ANTXR2: variants seen among roughly 807,000 people sequenced by gnomAD.
ANTXR2 encodes anthrax toxin receptor 2.
ANTXR2 carries 44 observed loss-of-function variants against 73.7 expected under a neutral mutation model. The ratio of observed to expected loss-of-function variants is 0.60; its 90% CI spans 0.47 to 0.77. ANTXR2 has a LOEUF of 0.77. Among genes scored for constraint, ANTXR2 ranks in the 30% least tolerant of loss-of-function variants. ANTXR2 has a pLI of 0.00. For missense variants in ANTXR2, 604 were observed against 592.5 expected, an observed-to-expected ratio of 1.02 and a Z score of -0.20; for synonymous variants, 217 against 205.9, an observed-to-expected ratio of 1.05 and a Z score of -0.46.
intron 3 of ANTXR2, among the ~76,000 whole-genome samples, chr4:80,066,486 A>T (rs995425396): frequency 1.6e-4 from 24 of 152,386 alleles, no homozygotes; most frequent in African/African-American, 5.8e-4. Flanking sequence ...GTATAAAACA[A>T]GTTGCAAGTA....
At chr4:79,926,885 ATATG>A (rs1351488139) in intron 16 of ANTXR2, among the ~76,000 whole-genome samples, 1 of 151,924 alleles carries the variant, frequency 6.6e-6, no homozygotes, top group African/African-American at 2.4e-5. Context: ...GTGTGTATAT[ATATG>A]TGTGTATATA....
chr4:79,960,909 T>C (rs1203665249), intron 16 of ANTXR2, among the ~76,000 whole-genome samples: 1 of 152,014 alleles, frequency 6.6e-6, no homozygotes. Flanking sequence ...GAGAGATATT[T>C]AGCAAAGTTG....
chr4:79,912,566 G>C (rs1285614755), intron 16 of ANTXR2, among the ~76,000 whole-genome samples: 1 of 152,004 alleles, frequency 6.6e-6, no homozygotes, highest in Non-Finnish European at 1.5e-5. Flanking sequence ...AAGAACTCTT[G>C]TGCATTGCTA....
At chr4:80,042,518 G>A (rs1203008106) in intron 7 of ANTXR2, among the ~76,000 whole-genome samples, 2 of 151,802 alleles carry the variant, frequency 1.3e-5, no homozygotes, top group Non-Finnish European at 2.9e-5. Flanking sequence ...GTCTCACCTA[G>A]GTTGCTAGAC....
intron 16 of ANTXR2, among the ~76,000 whole-genome samples, chr4:79,954,089 A>G (rs1728804614): frequency 6.6e-6 from 1 of 152,192 alleles, no homozygotes; most frequent in South Asian, 2.1e-4. Context: ...AAATTTTTCA[A>G]TAACCTATTT....
chr4:79,924,664 C>CAG (rs1372283874), intron 16 of ANTXR2, among the ~76,000 whole-genome samples: 1 of 152,170 alleles, frequency 6.6e-6, no homozygotes, highest in South Asian at 2.1e-4. Flanking sequence ...GACTAGAACA[C>CAG]AGAGATTTTT....
chr4:79,985,795 C>T (rs970454607), intron 12 of ANTXR2, among the ~76,000 whole-genome samples: 1 of 151,496 alleles, frequency 6.6e-6, no homozygotes, highest in Admixed American at 6.6e-5. Flanking sequence ...GCCAAGACCC[C>T]TTTCCTGTGA....
chr4:79,917,474 CA>C (rs1329759095), intron 16 of ANTXR2, among the ~76,000 whole-genome samples: 3 of 152,112 alleles, frequency 2.0e-5, no homozygotes, highest in Admixed American at 2.0e-4. Flanking sequence ...GGCAGAAAAT[CA>C]GTTTGAAAGT....
At chr4:80,017,288 G>A (rs1039653918) in intron 11 of ANTXR2, among the ~76,000 whole-genome samples, 4 of 152,158 alleles carry the variant, frequency 2.6e-5, no homozygotes, top group Admixed American at 1.3e-4. Context: ...TGCTCCCTCT[G>A]TGTGGAGCAC....
chr4:79,943,894 T>G (rs184361039), intron 16 of ANTXR2, among the ~76,000 whole-genome samples: 1 of 151,656 alleles, frequency 6.6e-6, no homozygotes, highest in Non-Finnish European at 1.5e-5. Context: ...ACTGGATATT[T>G]CAACACTTTG....
At chr4:79,980,935 A>AC (rs937431681) in intron 14 of ANTXR2, among the ~76,000 whole-genome samples, 1 of 149,664 alleles carries the variant, frequency 6.7e-6, no homozygotes, top group African/African-American at 2.4e-5. Flanking sequence ...AAAAAAAAAA[A>AC]AAAAAAAGAG....
chr4:79,926,443 A>T (rs1377494808), intron 16 of ANTXR2, among the ~76,000 whole-genome samples: 1 of 152,146 alleles, frequency 6.6e-6, no homozygotes, highest in Non-Finnish European at 1.5e-5. Context: ...CATGGGTGGG[A>T]TGAGGAGGAA....
intron 16 of ANTXR2, among the ~76,000 whole-genome samples, chr4:79,915,387 A>G (rs1032827316): frequency 2.6e-5 from 4 of 152,074 alleles, no homozygotes; most frequent in African/African-American, 9.7e-5. Context: ...TTAAAATTCC[A>G]CTGGCATTAA....
chr4:79,920,584 G>A (rs6534651), intron 16 of ANTXR2, among the ~76,000 whole-genome samples: 87,205 of 151,892 alleles, frequency 0.57, 25,360 homozygotes, highest in Non-Finnish European at 0.6. Context: ...AGAGAAACCA[G>A]CAAGGGCAAA....
intron 7 of ANTXR2, among the ~76,000 whole-genome samples, chr4:80,052,612 A>T (rs956369485): frequency 1.3e-5 from 2 of 151,642 alleles, no homozygotes; most frequent in African/African-American, 2.4e-5. Context: ...ATTTAACTGT[A>T]TTGACATGAA....
intron 10 of ANTXR2, among the ~76,000 whole-genome samples, chr4:80,019,743 T>C (rs1408134502): frequency 6.6e-6 from 1 of 152,200 alleles, no homozygotes; most frequent in East Asian, 1.9e-4. Flanking sequence ...TTTGCAGGTA[T>C]TTGTTGCAGA....
intron 12 of ANTXR2, among the ~76,000 whole-genome samples, chr4:80,006,435 A>C (rs1476667236): frequency 1.3e-5 from 2 of 152,074 alleles, no homozygotes; most frequent in Non-Finnish European, 2.9e-5. Flanking sequence ...TATAAATATA[A>C]GTTCATACTT....
intron 12 of ANTXR2, among the ~76,000 whole-genome samples, chr4:79,986,836 C>A (rs951890910): frequency 6.6e-6 from 1 of 152,172 alleles, no homozygotes; most frequent in African/African-American, 2.4e-5. Context: ...AAGCCATATG[C>A]CCAGTCCCAG....
chr4:80,003,757 A>G (rs1014145608), intron 12 of ANTXR2, among the ~76,000 whole-genome samples: 2 of 152,028 alleles, frequency 1.3e-5, no homozygotes, highest in African/African-American at 4.8e-5. Context: ...AATAGAGAAA[A>G]CACCAAATGC....
Sources: gnomAD v4.1 joint callset for allele counts (sites outside exome capture counted in the v4.1 genomes callset) on GRCh38, gnomAD v4.1.1 for gene constraint, MANE v1.5 for transcripts, NCBI Gene and HGNC (gene_info 2026-07-23, HGNC 2026-07-21) for gene names.